LINGO3: variants seen among roughly 807,000 people sequenced by gnomAD.
LINGO3 encodes the protein leucine-rich repeat and immunoglobulin-like domain-containing nogo receptor-interacting protein 3.
For synonymous variants in LINGO3, 427 were observed against 444.2 expected (o/e 0.96, Z 0.49); for missense variants, 750 against 867.7 (o/e 0.86, Z 1.70).
chr19:2,291,988 A>C, exon 1 of LINGO3: 1 of 586,148 alleles, frequency 1.7e-6, no homozygotes, highest in East Asian at 3.9e-5. Context: ...AGAGTTCGAG[A>C]CCAGCCTGCA....
chr19:2,287,239 G>A (rs896529881), downstream of LINGO3, among the ~76,000 whole-genome samples: 10 of 151,882 alleles, frequency 6.6e-5, no homozygotes, highest in Non-Finnish European at 1.5e-4. The surrounding 1 kb of genome is among the most constrained non-coding windows in gnomAD (Gnocchi z 4.5). Context: ...GTGCTGAGGG[G>A]TCTTAGTTCA....
downstream of LINGO3, among the ~76,000 whole-genome samples, chr19:2,288,819 G>C (rs1393434275): frequency 6.6e-6 from 1 of 152,194 alleles, no homozygotes; most frequent in Non-Finnish European, 1.5e-5. This position sits in a 1 kb window ranked among gnomAD's most constrained non-coding sequence, Gnocchi z 6.5. Context: ...TCCCAGGTGT[G>C]AGCTGTGTCT....
Position 2,290,119 on chromosome 19 carries a change from C to T in LINGO3, c.1658G>A (p.Ser553Asn). ...GTTTTTGTGCTGCCCGCGGCCGCGG[C>T]TCCACACGAACAGCAGCACGAAGCA... The change falls in exon 1 of 1, where the codon AGC becomes AAC. Residue 553 changes from serine (S) to asparagine (N), a missense_variant. Physicochemically the swap from Ser to Asn is conservative, Grantham distance 46. Transcript: ENST00000585527. This position sits in a 1 kb window ranked among gnomAD's most constrained non-coding sequence, Gnocchi z 6.0. 1.2e-6 allele frequency: 2 copies of T among 1,611,038 alleles called. No homozygotes were observed. Among genetic ancestry groups the T allele is most frequent in the Non-Finnish European group, 1.7e-6 (2 of 1,178,950 alleles).
At chr19:2,307,626 C>T in the LINGO3 span, among the ~76,000 whole-genome samples, 1 of 152,218 alleles carries the variant, frequency 6.6e-6, no homozygotes, top group African/African-American at 2.4e-5. Flanking sequence ...ACCCCAGATA[C>T]CCTTTGCGTC....
chr19:2,302,938 C>T, the LINGO3 span, among the ~76,000 whole-genome samples: 10 of 152,248 alleles, frequency 6.6e-5, no homozygotes, highest in Non-Finnish European at 1.3e-4. Context: ...TGGTGCCGCG[C>T]GGGTGCTGGA....
chr19:2,302,720 C>A, the LINGO3 span, among the ~76,000 whole-genome samples: 1 of 152,246 alleles, frequency 6.6e-6, no homozygotes, highest in African/African-American at 2.4e-5. Flanking sequence ...GTTTCAAGGA[C>A]AGAGCCTCAT....
upstream of LINGO3, among the ~76,000 whole-genome samples, chr19:2,294,133 A>G (rs1015719859): frequency 1.3e-5 from 2 of 152,116 alleles, no homozygotes; most frequent in African/African-American, 4.8e-5. This position sits in a 1 kb window ranked among gnomAD's most constrained non-coding sequence, Gnocchi z 4.3. Flanking sequence ...GTCTTTACAG[A>G]TGTGCTCAGG....
downstream of LINGO3, chr19:2,289,742 A>ACCCCCCCC: frequency 7.2e-6 from 1 of 139,276 alleles, no homozygotes; most frequent in Non-Finnish European, 1.4e-5. Flanking sequence ...TGCAGCCCGC[A>ACCCCCCCC]CCCCCACCCC....
chr19:2,287,281 G>A (rs1256802919), downstream of LINGO3, among the ~76,000 whole-genome samples: 3 of 152,116 alleles, frequency 2.0e-5, no homozygotes, highest in African/African-American at 4.8e-5. This position sits in a 1 kb window ranked among gnomAD's most constrained non-coding sequence, Gnocchi z 4.5. Context: ...TCAGGGGGCT[G>A]GGAAATCCTA....
chr19:2,303,361 G>C, the LINGO3 span, among the ~76,000 whole-genome samples: 21 of 152,278 alleles, frequency 1.4e-4, no homozygotes, highest in African/African-American at 3.6e-4. Context: ...AGCTGTGGGG[G>C]GGGGGGTCTG....
chr19:2,300,520 A>T, the LINGO3 span, among the ~76,000 whole-genome samples: 12 of 151,854 alleles, frequency 7.9e-5, no homozygotes, highest in Non-Finnish European at 1.6e-4. Context: ...CCATCTGCTC[A>T]CAGATACCTC....
chr19:2,296,058 T>C (rs1358817768), upstream of LINGO3, among the ~76,000 whole-genome samples: 1 of 152,144 alleles, frequency 6.6e-6, no homozygotes, highest in African/African-American at 2.4e-5. Flanking sequence ...AACCTGGGCA[T>C]GTTACAGGGA....
chr19:2,292,045 G>A, upstream of LINGO3: 3 of 446,840 alleles, frequency 6.7e-6, no homozygotes, highest in Non-Finnish European at 4.3e-6. Context: ...AAGATGAGCC[G>A]CATGTGGTGG....
At chr19:2,291,046 C>G in exon 1 of LINGO3, 1 of 1,610,350 alleles carries the variant, frequency 6.2e-7, no homozygotes, top group Non-Finnish European at 8.5e-7. Flanking sequence ...GTTCAGGCCC[C>G]GCAGGCTGCC....
upstream of LINGO3, among the ~76,000 whole-genome samples, chr19:2,293,265 C>T (rs567620374): frequency 1.1e-4 from 17 of 152,100 alleles, no homozygotes; most frequent in East Asian, 2.5e-3. Flanking sequence ...GGGATTTCAC[C>T]GTGTTAGCCA....
chr19:2,296,171 A>T (rs960244386), upstream of LINGO3, among the ~76,000 whole-genome samples: 5 of 152,298 alleles, frequency 3.3e-5, no homozygotes, highest in Non-Finnish European at 5.9e-5. Context: ...GGGCTGTGTC[A>T]CGGGAGGGGA....
Position 2,291,561 on chromosome 19 carries a change from G to T in LINGO3, c.216C>A (p.Gly72=), listed in dbSNP as rs543901400. Residue 72 remains glycine, a synonymous_variant, in exon 1 of 1, where the codon GGC becomes GGA. Coordinates refer to ENST00000585527, the Ensembl canonical transcript of LINGO3. ...CCAGCGCGGGCAGCGCGGCCAGGTC[G>T]CCCGGGTTCAGGCAGCGGATGCGGT... The T allele has an allele frequency of 1.9e-6, 3 of 1,586,318 alleles. No individual in the cohort carries two copies. In the South Asian group the frequency reaches 3.4e-5, roughly 18 times the overall value.
downstream of LINGO3, chr19:2,289,729 C>A: frequency 3.8e-6 from 1 of 266,512 alleles, no homozygotes; most frequent in Non-Finnish European, 7.1e-6. Context: ...ATCCCCCCAT[C>A]CTTGCAGCCC....
In LINGO3 at chr19:2,290,405, G is replaced by A. The variant is rs1161432443; in HGVS notation, c.1372C>T (p.Arg458Cys). 1 of 1,432,014 alleles carries A rather than the reference G, an allele frequency of 7.0e-7. No homozygotes were observed. Among genetic ancestry groups the A allele is most frequent in the Non-Finnish European group, 9.1e-7 (1 of 1,100,374 alleles). 88.7% of individuals were successfully genotyped at this position (1,432,014 alleles called of 1,614,324 possible). The change falls in exon 1 of 1, where the codon CGC (arginine) becomes TGC (cysteine). Residue 458 changes from arginine to cysteine, a missense_variant. Transcript: ENST00000585527. This position sits in a 1 kb window ranked among gnomAD's most constrained non-coding sequence, Gnocchi z 6.0. ...TCCAGCGTCCCCCCGGGGAGCACGC[G>A]CGCCCGGCCCGCGCTGGTGGCCGTC...
Sources: allele counts gnomAD v4.1 joint callset (sites outside exome capture counted in the v4.1 genomes callset), GRCh38; gene constraint gnomAD v4.1.1; non-coding constraint Gnocchi (gnomAD v3.1); transcripts MANE v1.5; gene names NCBI Gene and HGNC (gene_info 2026-07-23, HGNC 2026-07-21).